SGMS1: variants seen among roughly 807,000 people sequenced by gnomAD.
SGMS1 encodes phosphatidylcholine:ceramide cholinephosphotransferase 1.
In SGMS1, 13 loss-of-function variants were observed where a neutral mutation model predicts 46.2. That is an observed-to-expected ratio of 0.28 (90% CI 0.18 to 0.45). The LOEUF is 0.45. Among genes scored for constraint, SGMS1 ranks in the 20% least tolerant of loss-of-function variants. The pLI is 1.00. For synonymous variants in SGMS1, 203 were observed against 187.8 expected, an observed-to-expected ratio of 1.08 and a Z score of -0.66; for missense variants, 324 against 519.9, an observed-to-expected ratio of 0.62 and a Z score of 3.66.
At chr10:50,449,310 A>G (rs1837070057) in intron 5 of SGMS1, among the ~76,000 whole-genome samples, 1 of 152,168 alleles carries the variant, frequency 6.6e-6, no homozygotes, top group Admixed American at 6.5e-5. Context: ...ACATTCTGCT[A>G]GGAATTGGAA....
intron 6 of SGMS1, among the ~76,000 whole-genome samples, chr10:50,356,953 A>T (rs2133401437): frequency 6.6e-6 from 1 of 152,188 alleles, no homozygotes; most frequent in South Asian, 2.1e-4. Flanking sequence ...GCATTAGGAG[A>T]TATACCTAAT....
At chr10:50,418,734 T>C (rs967096392) in intron 6 of SGMS1, among the ~76,000 whole-genome samples, 3 of 152,208 alleles carry the variant, frequency 2.0e-5, no homozygotes, top group African/African-American at 7.2e-5. Context: ...TAGGCAGAGA[T>C]ACTGGGTGCA....
chr10:50,384,364 A>T (rs1298234330), intron 6 of SGMS1, among the ~76,000 whole-genome samples: 1 of 151,266 alleles, frequency 6.6e-6, no homozygotes, highest in Non-Finnish European at 1.5e-5. Context: ...TTTCTAACTT[A>T]CTTTCTTTCT....
intron 2 of SGMS1, among the ~76,000 whole-genome samples, chr10:50,581,751 C>T (rs1295327563): frequency 6.6e-6 from 1 of 152,194 alleles, no homozygotes; most frequent in East Asian, 1.9e-4. Flanking sequence ...AATAAAAACA[C>T]CATTGTAAAG....
intron 2 of SGMS1, among the ~76,000 whole-genome samples, chr10:50,525,171 C>G (rs760276952): frequency 1.1e-4 from 17 of 152,156 alleles, no homozygotes; most frequent in Non-Finnish European, 2.4e-4. Context: ...ATTCCATCCT[C>G]AAGAAGTTCT....
chr10:50,584,822 CCAAA>C (rs1346141600), intron 2 of SGMS1, among the ~76,000 whole-genome samples: 1 of 152,182 alleles, frequency 6.6e-6, no homozygotes, highest in Non-Finnish European at 1.5e-5. Context: ...ACTATAACAT[CCAAA>C]CAAATTCCCA....
At chr10:50,476,026 C>T in intron 3 of SGMS1, among the ~76,000 whole-genome samples, 1 of 136,380 alleles carries the variant, frequency 7.3e-6, no homozygotes, top group Non-Finnish European at 1.5e-5. Flanking sequence ...CCGAGGCAGT[C>T]GGATCACCTG....
At position 50,565,646 on chromosome 10, in the gene SGMS1, G is replaced by A. The variant is rs540185852; in HGVS notation, c.-589+24507C>T. 7.9e-5 allele frequency among the ~76,000 whole-genome samples: 12 copies of A among 152,306 alleles called. No homozygotes were observed. In the South Asian group the frequency reaches 2.3e-3, roughly 29 times the overall value. On this transcript the variant is annotated intron_variant, in intron 2 of 10. Transcript: ENST00000361781. ...CCACAAGCTGCCAATTCCTAGGAAT[G>A]ACATAGCGTCTGACTCCTTTGCCTC...
At chr10:50,500,138 A>C (rs903523360) in intron 3 of SGMS1, among the ~76,000 whole-genome samples, 1 of 152,236 alleles carries the variant, frequency 6.6e-6, no homozygotes, top group African/African-American at 2.4e-5. Flanking sequence ...ACTGCACTTC[A>C]GCCTGGGTGA....
chr10:50,598,336 G>A (rs1234392667), intron 1 of SGMS1, among the ~76,000 whole-genome samples: 1 of 152,134 alleles, frequency 6.6e-6, no homozygotes, highest in Non-Finnish European at 1.5e-5. Flanking sequence ...CGGACTTCAA[G>A]TTTGCAGAAC....
intron 1 of SGMS1, among the ~76,000 whole-genome samples, chr10:50,612,776 G>A (rs559451087): frequency 1.6e-4 from 25 of 152,202 alleles, no homozygotes; most frequent in African/African-American, 6.0e-4. Flanking sequence ...TGGCGTGATC[G>A]CGGCTCACTG....
chr10:50,560,383 T>C (rs1838225711), intron 2 of SGMS1, among the ~76,000 whole-genome samples: 3 of 138,500 alleles, frequency 2.2e-5, no homozygotes, highest in Non-Finnish European at 4.5e-5. Context: ...ATTATATGCA[T>C]ATAATATATG....
intron 3 of SGMS1, among the ~76,000 whole-genome samples, chr10:50,516,074 CCA>C (rs556998906): frequency 1.2e-4 from 18 of 152,216 alleles, no homozygotes; most frequent in Middle Eastern, 3.4e-3. Context: ...ATCACAAAAT[CCA>C]CACACACACT....
chr10:50,353,386 C>T (rs1230752455), intron 6 of SGMS1, among the ~76,000 whole-genome samples: 2 of 152,302 alleles, frequency 1.3e-5, no homozygotes, highest in East Asian at 3.8e-4. Context: ...CAAAATTCAA[C>T]AACCCTTCAT....
intron 3 of SGMS1, chr10:50,474,127 AC>A (rs1837400320): frequency 6.6e-6 from 1 of 152,154 alleles, no homozygotes; most frequent in Admixed American, 6.5e-5. Context: ...TATATCTTGA[AC>A]CCTTTTGTTG....
intron 8 of SGMS1, among the ~76,000 whole-genome samples, chr10:50,321,450 A>T (rs1847442061): frequency 6.6e-6 from 1 of 152,194 alleles, no homozygotes; most frequent in Non-Finnish European, 1.5e-5. Context: ...ATCTTTAATC[A>T]CTGAAAAAGG....
chr10:50,464,757 C>T (rs562229379), intron 4 of SGMS1, among the ~76,000 whole-genome samples: 6 of 152,234 alleles, frequency 3.9e-5, no homozygotes, highest in South Asian at 2.1e-4. Context: ...CCAGTGAGAC[C>T]TGCATCAGTC....
At chr10:50,437,019 G>A (rs892334280) in intron 5 of SGMS1, among the ~76,000 whole-genome samples, 2 of 152,150 alleles carry the variant, frequency 1.3e-5, no homozygotes, top group South Asian at 2.1e-4. Context: ...GAATGGGAGC[G>A]ATATCAGTAC....
rs537151302 is a variant in SGMS1, at chr10:50,330,926, G to A, written c.624-3604C>T. On this transcript the variant is annotated intron_variant, in intron 7 of 10. Transcript: ENST00000361781. The stretch of plus-strand genomic sequence containing the variant: ...TACCTTTAACAAAGGCTCACCTGGT[G>A]CCTTTGACCATCTCAATTAATTTCC... Among the ~76,000 whole-genome samples the A allele has an allele frequency of 7.2e-5, 11 of 152,260 alleles. No homozygotes were observed. In the South Asian group the frequency reaches 1.5e-3, roughly 20 times the overall value.
Sources: gnomAD v4.1 joint callset for allele counts (sites outside exome capture counted in the v4.1 genomes callset) on GRCh38, gnomAD v4.1.1 for gene constraint, MANE v1.5 for transcripts, NCBI Gene and HGNC (gene_info 2026-07-23, HGNC 2026-07-21) for gene names.